Variants in APP observed in about 807,000 individuals in gnomAD.
APP encodes amyloid-beta precursor protein.
A neutral mutation model predicts 101.4 loss-of-function variants in APP; 31 were observed. The observed-to-expected ratio is 0.31, with a 90% CI of 0.23 to 0.41. The LOEUF (loss-of-function observed/expected upper bound fraction) is 0.41. APP is among the 10% of genes least tolerant of loss of function. The pLI is 1.00. For synonymous variants in APP, 366 were observed against 364.4 expected, an observed-to-expected ratio of 1.00 and a Z score of -0.05; for missense variants, 839 against 1,003.7, an observed-to-expected ratio of 0.84 and a Z score of 2.22.
At chr21:26,171,080 A>G (rs1365094929), upstream of APP, 2 of 154,350 alleles carry the variant, frequency 1.3e-5, no homozygotes, top group East Asian at 1.9e-4. Flanking sequence ...GAGGCTCTAG[A>G]AAAGTCGAGA....
rs2046417256 is a variant in APP at position 26,065,348 on chromosome 21, G to C, written c.356-12000C>G. Among the ~76,000 whole-genome samples the C allele has an allele frequency of 4.6e-5, 7 of 152,138 alleles. No homozygotes were observed. The South Asian group carries it at 1.5e-3, about 32-fold the overall frequency. On this transcript the variant is annotated intron_variant, in intron 3 of 17. Coordinates refer to ENST00000346798, the MANE Select transcript of APP (RefSeq NM_000484.4). ...AAATTATTGTAGTTGAAAAGAACTA[G>C]AATTAAAAAGAGCTTACCAACTCAG...
At chr21:26,164,232 G>A (rs9647117) in intron 1 of APP, among the ~76,000 whole-genome samples, 14 of 152,348 alleles carry the variant, frequency 9.2e-5, no homozygotes, top group African/African-American at 1.4e-4. Context: ...GCGACAGGGC[G>A]AGACTCCGTC....
At chr21:25,959,425 TC>T (rs1430818731) in intron 11 of APP, among the ~76,000 whole-genome samples, 1 of 152,184 alleles carries the variant, frequency 6.6e-6, no homozygotes, top group Non-Finnish European at 1.5e-5. Flanking sequence ...AGGACGAGAC[TC>T]CGTCTCAAAA....
chr21:26,065,969 C>T (rs45589634), intron 3 of APP, among the ~76,000 whole-genome samples: 197 of 152,328 alleles, frequency 1.3e-3, no homozygotes, highest in Admixed American at 2.7e-3. Flanking sequence ...GATTCATCTT[C>T]TCCCTAGCTC....
intron 11 of APP, among the ~76,000 whole-genome samples, chr21:25,961,083 G>A (rs868682503): frequency 6.6e-6 from 1 of 152,150 alleles, no homozygotes; most frequent in South Asian, 2.1e-4. Flanking sequence ...AAGTCTAGCT[G>A]GGAACTGCTT....
chr21:25,900,872 C>T (rs2146279445), intron 15 of APP, among the ~76,000 whole-genome samples: 1 of 151,146 alleles, frequency 6.6e-6, no homozygotes, highest in African/African-American at 2.4e-5. Context: ...ACCTGTAGTC[C>T]CAGCTACTAG....
intron 5 of APP, among the ~76,000 whole-genome samples, chr21:26,029,620 G>A (rs3787643): frequency 0.23 from 34,567 of 151,934 alleles, 4,859 homozygotes; most frequent in East Asian, 0.38. Flanking sequence ...AGGAGGGAGG[G>A]AAACCTGAGC....
intron 3 of APP, among the ~76,000 whole-genome samples, chr21:26,067,108 C>A (rs886927044): frequency 2.0e-5 from 3 of 152,120 alleles, no homozygotes; most frequent in African/African-American, 7.2e-5. Context: ...GGCCACATAT[C>A]TAATTTAAAA....
intron 13 of APP, among the ~76,000 whole-genome samples, chr21:25,952,191 T>TACATAC (rs1555901899): frequency 1.4e-5 from 2 of 139,898 alleles, no homozygotes; most frequent in East Asian, 2.0e-4. Flanking sequence ...ATTACATACA[T>TACATAC]ACACACACAC....
intron 3 of APP, among the ~76,000 whole-genome samples, chr21:26,078,250 T>C (rs1215702579): frequency 1.3e-5 from 2 of 152,188 alleles, no homozygotes; most frequent in Non-Finnish European, 2.9e-5. Flanking sequence ...AATAAACAGT[T>C]CTGCTTTTAT....
At chr21:26,137,089 C>T (rs57204325) in intron 1 of APP, among the ~76,000 whole-genome samples, 4,739 of 151,714 alleles carry the variant, frequency 0.031, 233 homozygotes, top group African/African-American at 0.11. Flanking sequence ...TACAGGCATG[C>T]GCCACCACAC....
At chr21:25,924,685 G>A (rs895718933) in intron 13 of APP, among the ~76,000 whole-genome samples, 1 of 151,716 alleles carries the variant, frequency 6.6e-6, no homozygotes, top group African/African-American at 2.4e-5. Flanking sequence ...CCTAGATGAC[G>A]GGTTGATGGG....
intron 6 of APP, among the ~76,000 whole-genome samples, chr21:26,002,339 T>C (rs1054151863): frequency 1.5e-3 from 5 of 3,396 alleles, no homozygotes; most frequent in Non-Finnish European, 3.3e-3. Context: ...GAGCAACGTG[T>C]ATAGGGAAGT....
chr21:26,150,836 G>A (rs1421439785), intron 1 of APP, among the ~76,000 whole-genome samples: 3 of 152,188 alleles, frequency 2.0e-5, no homozygotes, highest in Non-Finnish European at 4.4e-5. Context: ...TGTTGATAGT[G>A]TAAGAATTTG....
intron 13 of APP, among the ~76,000 whole-genome samples, chr21:25,914,923 G>C (rs2039280093): frequency 6.6e-6 from 1 of 152,290 alleles, no homozygotes; most frequent in South Asian, 2.1e-4. Context: ...CCAGTCTCTG[G>C]TATCATGATA....
chr21:26,027,531 A>G (rs1191141320), intron 5 of APP, among the ~76,000 whole-genome samples: 3 of 152,226 alleles, frequency 2.0e-5, no homozygotes, highest in African/African-American at 7.2e-5. Context: ...CTCCCGCATA[A>G]AGGCACTGTT....
chr21:26,164,051 C>T (rs1022162583), intron 1 of APP, among the ~76,000 whole-genome samples: 2 of 152,106 alleles, frequency 1.3e-5, no homozygotes, highest in Non-Finnish European at 2.9e-5. Context: ...TTGAGACCAG[C>T]CTGACCAACA....
chr21:26,170,761 G>A lies in APP; in HGVS notation c.-141C>T. The A allele has an allele frequency of 6.8e-6, 6 of 882,108 alleles. No individual in the cohort carries two copies. The highest frequency in any genetic ancestry group is 9.6e-6 in the Non-Finnish European group (6 of 626,174). 54.6% of individuals were successfully genotyped at this position (882,108 alleles called of 1,614,324 possible). A position where few individuals can be genotyped will look rare whatever the true frequency, so the allele number is the denominator to read the frequency against. ...GCGTGCTCTCGCCTACCGCTGCCGA[G>A]GAAACTGACGGAGCCCGAGCGCGGC... On this transcript the variant is annotated 5_prime_UTR_variant, in exon 1 of 18. Coordinates refer to ENST00000346798, the MANE Select transcript of APP (RefSeq NM_000484.4).
chr21:26,043,330 G>A (rs557195834), intron 5 of APP, among the ~76,000 whole-genome samples: 17 of 152,190 alleles, frequency 1.1e-4, no homozygotes, highest in South Asian at 2.1e-4. Flanking sequence ...CCACCTCCTG[G>A]GTTCAAGCGA....
Sources: allele counts gnomAD v4.1 joint callset (sites outside exome capture counted in the v4.1 genomes callset), GRCh38; gene constraint gnomAD v4.1.1; transcripts MANE v1.5; gene names NCBI Gene and HGNC (gene_info 2026-07-23, HGNC 2026-07-21).